Variants in AVPI1 observed in about 807,000 individuals in gnomAD.
AVPI1 encodes arginine vasopressin-induced protein 1.
AVPI1 carries 9 observed loss-of-function variants against 11.9 expected under a neutral mutation model. The observed-to-expected ratio is 0.76, with a 90% CI of 0.46 to 1.32. The LOEUF (loss-of-function observed/expected upper bound fraction) is 1.32. Ranked by LOEUF, AVPI1 falls within the 40% of genes most tolerant of loss-of-function variation. The pLI is 0.00. For missense variants in AVPI1, 207 were observed against 195.8 expected, an observed-to-expected ratio of 1.06 and a Z score of -0.34; for synonymous variants, 68 against 78.1, an observed-to-expected ratio of 0.87 and a Z score of 0.68.
At chr10:97,681,358 G>A (rs1343160676) in intron 1 of AVPI1, among the ~76,000 whole-genome samples, 7 of 151,986 alleles carry the variant, frequency 4.6e-5, no homozygotes, top group African/African-American at 1.2e-4. Flanking sequence ...TGAGGCGGGC[G>A]GATCACCTGA....
intron 2 of AVPI1, among the ~76,000 whole-genome samples, chr10:97,678,853 A>G (rs1400157737): frequency 7.0e-6 from 1 of 142,620 alleles, no homozygotes; most frequent in African/African-American, 2.6e-5. Context: ...ATGCCTGGCT[A>G]ATTTCTCTTT....
chr10:97,680,829 C>A (rs1360135462), intron 1 of AVPI1, among the ~76,000 whole-genome samples: 1 of 152,110 alleles, frequency 6.6e-6, no homozygotes, highest in African/African-American at 2.4e-5. Context: ...ACCTAATGAG[C>A]AAGAGGTGGA....
rs1212181311 is a variant in AVPI1 at position 97,679,669 on chromosome 10, G to A, written c.237C>T (p.Pro79=). 1.9e-6 allele frequency: 3 copies of A among 1,613,988 alleles called. No individual in the cohort carries two copies. The highest frequency in any genetic ancestry group is 2.5e-6 in the Non-Finnish European group (3 of 1,179,958). The change falls in exon 2 of 3, where the codon CCC becomes CCT. Residue 79 remains proline, a synonymous_variant. Transcript: ENST00000370626. The stretch of plus-strand genomic sequence containing the variant: ...AGTGGCCCAGGGGTTTCTGCCTTGG[G>A]GGCCTCTTCCTGCGCAGCCTCTTGA... ...EALKRLRRKR[P]PRQKPLGHSL...
intron 1 of AVPI1, among the ~76,000 whole-genome samples, chr10:97,684,558 C>T (rs528987959): frequency 2.2e-5 from 3 of 137,758 alleles, no homozygotes; most frequent in South Asian, 2.3e-4. Context: ...AGTGCAGTGG[C>T]GCAATCTCAG....
chr10:97,680,326 C>T (rs1455419141), intron 1 of AVPI1, among the ~76,000 whole-genome samples: 1 of 152,184 alleles, frequency 6.6e-6, no homozygotes, highest in East Asian at 1.9e-4. Flanking sequence ...CAGCTTGCTT[C>T]ACATAGTATC....
chr10:97,679,119 T>G (rs1017984429), intron 2 of AVPI1, among the ~76,000 whole-genome samples: 9 of 148,462 alleles, frequency 6.1e-5, no homozygotes, highest in East Asian at 2.0e-4. Flanking sequence ...GGGTTGTATA[T>G]GACTCCAAAA....
intron 2 of AVPI1, among the ~76,000 whole-genome samples, chr10:97,678,574 G>T (rs1283296070): frequency 5.9e-5 from 9 of 152,032 alleles, no homozygotes; most frequent in Non-Finnish European, 1.0e-4. Flanking sequence ...GGGAGACTGG[G>T]GAGAGATCTC....
chr10:97,683,958 T>C (rs2041717037), intron 1 of AVPI1, among the ~76,000 whole-genome samples: 1 of 151,826 alleles, frequency 6.6e-6, no homozygotes, highest in African/African-American at 2.4e-5. Flanking sequence ...CACCCGCAGG[T>C]AAGTCTGTAC....
chr10:97,677,703 G>T lies in AVPI1; in HGVS notation c.*166C>A. ...AGGAATGGGTCCCACATAATGGAGA[G>T]CTCAACAGAAGCATCCAGTCTTGTT... is the stretch of plus-strand genomic sequence containing the variant. On this transcript the variant is annotated 3_prime_UTR_variant, in exon 3 of 3. Coordinates refer to ENST00000370626, the MANE Select transcript of AVPI1 (RefSeq NM_021732.3). 1 of 746,026 alleles carries T rather than the reference G, an allele frequency of 1.3e-6. No individual in the cohort carries two copies. Among genetic ancestry groups the T allele is most frequent in the Non-Finnish European group, 2.1e-6 (1 of 468,468 alleles). 46.2% of individuals were successfully genotyped at this position (746,026 alleles called of 1,614,324 possible). A position where few individuals can be genotyped will look rare whatever the true frequency, so the allele number is the denominator to read the frequency against.
At chr10:97,684,012 A>G (rs1389053923) in intron 1 of AVPI1, among the ~76,000 whole-genome samples, 1 of 152,194 alleles carries the variant, frequency 6.6e-6, no homozygotes, top group Non-Finnish European at 1.5e-5. Context: ...CCTAGGGGCA[A>G]TGTGTGGACA....
intron 1 of AVPI1, among the ~76,000 whole-genome samples, chr10:97,686,149 G>T (rs2151933): frequency 0.041 from 6,252 of 152,200 alleles, 232 homozygotes; most frequent in East Asian, 0.14. Flanking sequence ...AAAATAAATG[G>T]TGAGTATAAA....
At chr10:97,681,630 C>A (rs1160179874) in intron 1 of AVPI1, among the ~76,000 whole-genome samples, 1 of 151,456 alleles carries the variant, frequency 6.6e-6, no homozygotes, top group Non-Finnish European at 1.5e-5. Context: ...TGTAATCCAG[C>A]ACTTTGGGAG....
At chr10:97,679,974 G>T in intron 1 of AVPI1, 59 bp from the exon 2 acceptor site, 1 of 1,420,534 alleles carries the variant, frequency 7.0e-7, no homozygotes, top group East Asian at 2.5e-5. Flanking sequence ...AGACCTGGGG[G>T]TCCTGGCTAA....
chr10:97,681,103 C>CT, intron 1 of AVPI1, among the ~76,000 whole-genome samples: 1 of 152,304 alleles, frequency 6.6e-6, no homozygotes, highest in Non-Finnish European at 1.5e-5. Context: ...AGTTCCAACT[C>CT]TGACACCTTA....
In AVPI1 at chr10:97,678,254, C is replaced by T. The variant is rs1276382533; in HGVS notation, c.288-229G>A. Among the ~76,000 whole-genome samples the T allele has an allele frequency of 2.6e-5, 4 of 152,216 alleles. No individual in the cohort carries two copies. The East Asian group carries it at 7.7e-4, about 29-fold the overall frequency. On this transcript the variant is annotated intron_variant, in intron 2 of 2. Coordinates refer to ENST00000370626, the MANE Select transcript of AVPI1 (RefSeq NM_021732.3). Reference sequence around the variant, plus strand: ...TCAGGTTGTGCAAAACTCAACATTTCTTCATCCTCATCCTGTACTCATGGC... The same window carrying T: ...TCAGGTTGTGCAAAACTCAACATTTTTTCATCCTCATCCTGTACTCATGGC...
chr10:97,684,187 C>T (rs949371032), intron 1 of AVPI1, among the ~76,000 whole-genome samples: 7 of 152,102 alleles, frequency 4.6e-5, no homozygotes, highest in Admixed American at 1.3e-4. Flanking sequence ...TGACCAAGCC[C>T]GGGGCAGACG....
At chr10:97,683,698 C>A (rs567827542) in intron 1 of AVPI1, among the ~76,000 whole-genome samples, 1 of 152,128 alleles carries the variant, frequency 6.6e-6, no homozygotes, top group African/African-American at 2.4e-5. Flanking sequence ...AGCCTTGAGC[C>A]GTAGCACTCT....
Position 97,677,952 on chromosome 10 carries a change from G to A in AVPI1, c.361C>T (p.His121Tyr). Residue 121 changes from histidine (H) to tyrosine (Y), a missense_variant, in exon 3 of 3, where the codon CAC (histidine) becomes TAC (tyrosine). By Grantham distance (83) the His-to-Tyr change is moderately conservative. Transcript: ENST00000370626. ...ATCCTGGCACTTTTCTTCCTAGAGT[G>A]CAGATACTGCTCACTGGAGGCTGTC... ...TETASSEQYL[H>Y]SRKKSARIRR... is the part of the protein sequence containing the mutation. The A allele has an allele frequency of 6.2e-7, 1 of 1,614,172 alleles. No individual in the cohort carries two copies.
intron 1 of AVPI1, among the ~76,000 whole-genome samples, chr10:97,680,587 C>T (rs1339851040): frequency 6.6e-6 from 1 of 152,174 alleles, no homozygotes; most frequent in Non-Finnish European, 1.5e-5. Flanking sequence ...TCCCCCCTGC[C>T]TCAGCTGCCT....
Sources: gnomAD v4.1 joint callset for allele counts (sites outside exome capture counted in the v4.1 genomes callset) on GRCh38, gnomAD v4.1.1 for gene constraint, MANE v1.5 for transcripts, NCBI Gene and HGNC (gene_info 2026-07-23, HGNC 2026-07-21) for gene names.